Variants in FBN2 observed in about 807,000 individuals in gnomAD.
FBN2 encodes fibrillin-2.
Under a neutral mutation model 355.6 loss-of-function variants are expected in FBN2, and 105 were observed. The ratio of observed to expected loss-of-function variants is 0.30; its 90% CI spans 0.25 to 0.35. The LOEUF (loss-of-function observed/expected upper bound fraction) is 0.35. Among genes scored for constraint, FBN2 ranks in the 10% least tolerant of loss-of-function variants. The pLI, the probability that FBN2 is intolerant of heterozygous loss-of-function variation, is 1.00. For missense variants in FBN2, 3,280 were observed against 3,758.7 expected (o/e 0.87, Z 3.33); for synonymous variants, 1,350 against 1,301.2 (o/e 1.04, Z -0.81).
At chr5:128,536,296 C>G (rs1381626666) in intron 2 of FBN2, 106 bp downstream of exon 2, 2 of 853,792 alleles carry the variant, frequency 2.3e-6, no homozygotes, top group African/African-American at 3.3e-5. Context: ...AATGTGATCA[C>G]TTGATTTTAA....
chr5:128,359,978 C>G (rs559933672), intron 19 of FBN2, among the ~76,000 whole-genome samples: 7 of 152,082 alleles, frequency 4.6e-5, no homozygotes, highest in Non-Finnish European at 1.0e-4. Flanking sequence ...CACAATAGCA[C>G]CAGAAAGTAT....
chr5:128,366,421 T>C lies in FBN2; in HGVS notation c.2258A>G (p.His753Arg), dbSNP rs777266350. ...PCPAKNSAEF[H>R]GLCSSGVGIT... ...ACCTACTCCACTACTACAAAGGCCG[T>C]GGAATTCAGCTGTATGACAAAAAGA... Residue 753 changes from histidine to arginine, a missense_variant, in exon 17 of 65, where the codon CAC (histidine) becomes CGC (arginine). Coordinates refer to ENST00000262464, the MANE Select transcript of FBN2 (RefSeq NM_001999.4). The C allele has an allele frequency of 3.9e-5, 62 of 1,603,630 alleles. No individual in the cohort carries two copies. The highest frequency in any genetic ancestry group is 5.0e-5 in the Admixed American group (3 of 59,748).
chr5:128,411,917 G>A (rs773052747), intron 7 of FBN2, among the ~76,000 whole-genome samples: 1 of 152,154 alleles, frequency 6.6e-6, no homozygotes, highest in South Asian at 2.1e-4. Flanking sequence ...CTTCAATACT[G>A]TATGTCATAA....
Position 128,335,434 on chromosome 5 carries a change from T to C in FBN2, c.3847+21A>G, listed in dbSNP as rs76168790. ...AAAAATTAGTTAGATGTACAAAACC[T>C]GTGTGTTTTCCTTTCTATACCTGCA... On this transcript the variant is annotated intron_variant, in intron 29 of 64. Coordinates refer to ENST00000262464, the MANE Select transcript of FBN2 (RefSeq NM_001999.4). The C allele has an allele frequency of 1.2e-3, 1,906 of 1,614,096 alleles. 21 individuals are homozygous for C. The African/African-American group carries it at 0.023, about 19-fold the overall frequency.
chr5:128,279,795 T>C (rs1198241671), intron 56 of FBN2, among the ~76,000 whole-genome samples: 1 of 152,178 alleles, frequency 6.6e-6, no homozygotes, highest in African/African-American at 2.4e-5. Flanking sequence ...TGTACCACAA[T>C]ATAAAAAGTA....
At chr5:128,303,294 A>G (rs1457170533) in intron 45 of FBN2, among the ~76,000 whole-genome samples, 1 of 152,218 alleles carries the variant, frequency 6.6e-6, no homozygotes, top group Non-Finnish European at 1.5e-5. Context: ...AGAAAATAGT[A>G]CAGTTTAACA....
chr5:128,403,141 T>C (rs1255145843), intron 8 of FBN2, among the ~76,000 whole-genome samples: 2 of 152,128 alleles, frequency 1.3e-5, no homozygotes, highest in African/African-American at 2.4e-5. Context: ...TTACATAGAG[T>C]GCTGTGTAAT....
intron 55 of FBN2, 60 bp downstream of exon 55, chr5:128,286,658 C>A: frequency 6.3e-7 from 1 of 1,595,252 alleles, no homozygotes. Flanking sequence ...GGGAGTAGTG[C>A]CATTAATGAG....
rs1389689622 is a variant in FBN2 at position 128,336,098 on chromosome 5, G to A, written c.3614C>T (p.Ser1205Phe). The A allele has an allele frequency of 6.2e-7, 1 of 1,613,062 alleles. No homozygotes were observed. The highest frequency in any genetic ancestry group is 2.2e-5 in the East Asian group (1 of 44,884). The stretch of plus-strand genomic sequence containing the variant: ...ATTTCTGCAGAGATTGTCACTCAGG[G>A]AGCATTCATTAATATCTATAAAAGA... The part of the protein sequence containing the change: ...REDCVDINEC[S>F]LSDNLCRNGK... Residue 1205 changes from serine (S) to phenylalanine (F), a missense_variant, in exon 28 of 65, where the codon TCC (serine) becomes TTC (phenylalanine). Ser to Phe is a radical substitution (Grantham distance 155). Transcript: ENST00000262464.
At chr5:128,530,480 T>C (rs969224548) in intron 3 of FBN2, 115 bp downstream of exon 3, 78 of 731,116 alleles carry the variant, frequency 1.1e-4, no homozygotes, top group Middle Eastern at 2.3e-4. Context: ...AATGTTGATG[T>C]AAGGATTAAC....
chr5:128,537,920 C>A lies in FBN2; in HGVS notation c.-317G>T. The A allele has an allele frequency of 2.4e-6, 1 of 413,290 alleles. No individual in the cohort carries two copies. 25.6% of individuals were successfully genotyped at this position (413,290 alleles called of 1,614,324 possible). Reference sequence around the variant, plus strand: ...GAGCGACTCCAGGACCGTCAGCGGGCGGGGGAGGAAATTACAAAAGCCCTG... The same window carrying A: ...GAGCGACTCCAGGACCGTCAGCGGGAGGGGGAGGAAATTACAAAAGCCCTG... On this transcript the variant is annotated 5_prime_UTR_variant, in exon 1 of 65. Transcript: ENST00000262464.
intron 34 of FBN2, among the ~76,000 whole-genome samples, chr5:128,325,825 T>A (rs1164740767): frequency 1.3e-5 from 2 of 152,168 alleles, no homozygotes; most frequent in African/African-American, 4.8e-5. Context: ...CATCTGTATG[T>A]CCTCTGTTTT....
In FBN2 at chr5:128,312,022, T is replaced by C. The variant is rs1750071538; in HGVS notation, c.4880-69A>G. ...AGTGGCTGAGACAATGAGCAAGCAT[T>C]CAGCAAATGACAGGCTCAATATACT... On this transcript the variant is annotated intron_variant, in intron 37 of 64. Transcript: ENST00000262464. 3 of 1,087,846 alleles carry C rather than the reference T, an allele frequency of 2.8e-6. No homozygotes were observed. The African/African-American group carries it at 4.6e-5, about 17-fold the overall frequency. 67.4% of individuals were successfully genotyped at this position (1,087,846 alleles called of 1,614,324 possible).
chr5:128,293,486 C>T lies in FBN2; in HGVS notation c.6167-1832G>A, dbSNP rs370587393. Among the ~76,000 whole-genome samples, 24 of 150,456 alleles carry T rather than the reference C, an allele frequency of 1.6e-4. No individual in the cohort carries two copies. In the East Asian group the frequency reaches 3.7e-3, roughly 23 times the overall value. ...CAGCCTGAGTGACAGAGCGAGACTC[C>T]GTCTCAAAAAAAAAAAGTAATAAAT... On this transcript the variant is annotated intron_variant, in intron 48 of 64. Coordinates refer to ENST00000262464, the MANE Select transcript of FBN2 (RefSeq NM_001999.4).
At chr5:128,520,592 T>A (rs1756405225) in intron 4 of FBN2, among the ~76,000 whole-genome samples, 1 of 152,144 alleles carries the variant, frequency 6.6e-6, no homozygotes, top group African/African-American at 2.4e-5. Context: ...CCTTATCAGG[T>A]ATGTTGAACC....
intron 6 of FBN2, among the ~76,000 whole-genome samples, chr5:128,448,212 C>A (rs998718506): frequency 6.6e-6 from 1 of 151,146 alleles, no homozygotes; most frequent in Admixed American, 6.6e-5. Context: ...GTCTTCATAC[C>A]ACTAGCAGTC....
intron 5 of FBN2, among the ~76,000 whole-genome samples, chr5:128,485,303 A>C (rs917547418): frequency 1.3e-5 from 2 of 152,210 alleles, no homozygotes; most frequent in African/African-American, 2.4e-5. Context: ...GATTACAGGC[A>C]TGAGCCACCA....
At chr5:128,339,964 C>T (rs893368013) in intron 25 of FBN2, among the ~76,000 whole-genome samples, 12 of 152,278 alleles carry the variant, frequency 7.9e-5, no homozygotes, top group African/African-American at 2.6e-4. Flanking sequence ...CATGAGCTGT[C>T]ACCAACACCT....
At chr5:128,470,566 A>G (rs1450076380) in intron 5 of FBN2, among the ~76,000 whole-genome samples, 2 of 152,170 alleles carry the variant, frequency 1.3e-5, no homozygotes, top group African/African-American at 2.4e-5. Context: ...GGGGAAAAAA[A>G]CAGAATGGCA....
Sources: gnomAD v4.1 joint callset for allele counts (sites outside exome capture counted in the v4.1 genomes callset) on GRCh38, gnomAD v4.1.1 for gene constraint, MANE v1.5 for transcripts, NCBI Gene and HGNC (gene_info 2026-07-23, HGNC 2026-07-21) for gene names.